ADGRB3: variants seen among roughly 807,000 people sequenced by gnomAD.
The protein encoded by ADGRB3 is brain-specific angiogenesis inhibitor 3.
In ADGRB3, 37 loss-of-function variants were observed where a neutral mutation model predicts 193.4. The ratio of observed to expected loss-of-function variants is 0.19; its 90% CI spans 0.15 to 0.25. The LOEUF is 0.25. Among genes scored for constraint, ADGRB3 ranks in the 10% least tolerant of loss-of-function variants. ADGRB3 has a pLI of 1.00. For missense variants in ADGRB3, 1,637 were observed against 1,852.9 expected, an observed-to-expected ratio of 0.88 and a Z score of 2.14; for synonymous variants, 690 against 644.2, an observed-to-expected ratio of 1.07 and a Z score of -1.08.
chr6:69,030,428 T>C (rs1292252649), intron 13 of ADGRB3, among the ~76,000 whole-genome samples: 1 of 152,168 alleles, frequency 6.6e-6, no homozygotes, highest in African/African-American at 2.4e-5. Context: ...TGGAATACTG[T>C]GCAGCCATAA....
intron 3 of ADGRB3, among the ~76,000 whole-genome samples, chr6:68,886,812 A>G (rs1282650136): frequency 1.3e-5 from 2 of 151,998 alleles, no homozygotes; most frequent in Non-Finnish European, 2.9e-5. Context: ...TTTTATGTCT[A>G]AAAATATAAT....
intron 3 of ADGRB3, among the ~76,000 whole-genome samples, chr6:68,747,686 T>C (rs1424478284): frequency 1.3e-5 from 2 of 152,182 alleles, no homozygotes; most frequent in South Asian, 2.1e-4. Context: ...AATGGAAGAA[T>C]CTTTGAATAG....
At position 69,198,244 on chromosome 6, in the gene ADGRB3, A is replaced by C. The variant is rs79820860; in HGVS notation, c.2481-35046A>C. Among the ~76,000 whole-genome samples, 1,250 of 152,212 alleles carry C rather than the reference A, an allele frequency of 8.2e-3. 15 individuals carry two copies. Among genetic ancestry groups the C allele is most frequent in the Middle Eastern group, 0.034 (10 of 294 alleles). ...TACTCATAATTGTGTCACAGAATCT[A>C]GAGTAGTGCCTAAGAAAAACTAGGC... On this transcript the variant is annotated intron_variant, in intron 17 of 31. Transcript: ENST00000370598.
intron 4 of ADGRB3, 126 bp downstream of exon 4, chr6:68,930,795 T>G: frequency 1.4e-6 from 1 of 702,656 alleles, no homozygotes; most frequent in Non-Finnish European, 2.3e-6. Context: ...CCATTTTTTT[T>G]GTCACCAGTT....
chr6:69,237,136 A>G (rs1766281476), intron 19 of ADGRB3, among the ~76,000 whole-genome samples: 3 of 152,012 alleles, frequency 2.0e-5, no homozygotes, highest in African/African-American at 7.2e-5. Flanking sequence ...CACAATTGTG[A>G]AGTATTATCC....
chr6:69,374,167 T>C (rs1049311053), intron 30 of ADGRB3, among the ~76,000 whole-genome samples: 1 of 152,074 alleles, frequency 6.6e-6, no homozygotes, highest in Non-Finnish European at 1.5e-5. Context: ...GGTGGGAACT[T>C]TGAGACATTA....
At chr6:68,784,798 TC>T (rs1766926631) in intron 3 of ADGRB3, among the ~76,000 whole-genome samples, 1 of 152,156 alleles carries the variant, frequency 6.6e-6, no homozygotes, top group Non-Finnish European at 1.5e-5. Flanking sequence ...TTATATCTCA[TC>T]TGTGTTAAAA....
chr6:68,942,016 C>CT (rs980183312), intron 5 of ADGRB3, among the ~76,000 whole-genome samples: 5 of 150,108 alleles, frequency 3.3e-5, no homozygotes, highest in Non-Finnish European at 5.9e-5. Context: ...TTGTCACCCT[C>CT]TTTTTTTTTC....
At chr6:68,713,250 A>G (rs1186497559) in intron 3 of ADGRB3, among the ~76,000 whole-genome samples, 1 of 151,962 alleles carries the variant, frequency 6.6e-6, no homozygotes, top group Non-Finnish European at 1.5e-5. Context: ...TTTTGTGAAC[A>G]AATTATTCAG....
chr6:68,865,574 C>T (rs1034118095), intron 3 of ADGRB3, among the ~76,000 whole-genome samples: 2 of 152,140 alleles, frequency 1.3e-5, no homozygotes, highest in Admixed American at 6.5e-5. Context: ...ATCTTCAGCC[C>T]TCATCATGGG....
chr6:68,970,660 G>T (rs1373215916), intron 8 of ADGRB3, among the ~76,000 whole-genome samples: 1 of 151,402 alleles, frequency 6.6e-6, no homozygotes, highest in Non-Finnish European at 1.5e-5. Context: ...CTAGCACCAT[G>T]TTACATTAAC....
At chr6:69,087,230 A>T (rs1051339726) in intron 17 of ADGRB3, among the ~76,000 whole-genome samples, 10 of 152,292 alleles carry the variant, frequency 6.6e-5, no homozygotes, top group Middle Eastern at 6.8e-3. Flanking sequence ...GGTAGTTGAG[A>T]TTTAAAAGAT....
At chr6:69,198,073 G>A (rs1295820320) in intron 17 of ADGRB3, among the ~76,000 whole-genome samples, 2 of 151,966 alleles carry the variant, frequency 1.3e-5, no homozygotes, top group African/African-American at 2.4e-5. Context: ...CACTTCTTGT[G>A]TTTTGAACCT....
At chr6:69,212,962 C>G (rs571439619) in intron 17 of ADGRB3, among the ~76,000 whole-genome samples, 5 of 152,204 alleles carry the variant, frequency 3.3e-5, no homozygotes, top group African/African-American at 1.2e-4. Flanking sequence ...TGCAAGGAAG[C>G]TGATGCATAG....
intron 3 of ADGRB3, among the ~76,000 whole-genome samples, chr6:68,818,123 G>A (rs999814422): frequency 5.3e-5 from 8 of 152,026 alleles, no homozygotes; most frequent in African/African-American, 1.9e-4. Flanking sequence ...TATATTAGCT[G>A]AGAAGCTCAA....
intron 31 of ADGRB3, 36 bp downstream of exon 31, chr6:69,382,971 T>A (rs1193985532): frequency 7.2e-7 from 1 of 1,388,818 alleles, no homozygotes; most frequent in East Asian, 2.4e-5. Context: ...GAGTAGAAGA[T>A]GCATCATGTC....
chr6:68,963,131 T>C (rs1393533873), intron 8 of ADGRB3, among the ~76,000 whole-genome samples: 1 of 152,140 alleles, frequency 6.6e-6, no homozygotes, highest in Non-Finnish European at 1.5e-5. Flanking sequence ...CACTTCCTCC[T>C]GCCACCAGCT....
intron 6 of ADGRB3, among the ~76,000 whole-genome samples, chr6:68,946,508 G>T: frequency 6.6e-6 from 1 of 152,134 alleles, no homozygotes; most frequent in Admixed American, 6.6e-5. Flanking sequence ...ATGGTAACTT[G>T]AGGATTCAGT....
At chr6:69,242,363 A>G (rs1766403036) in intron 20 of ADGRB3, among the ~76,000 whole-genome samples, 1 of 151,832 alleles carries the variant, frequency 6.6e-6, no homozygotes, top group East Asian at 1.9e-4. Context: ...ATAAGTTTTA[A>G]TTGATGCTTT....
Sources: gnomAD v4.1 joint callset for allele counts (sites outside exome capture counted in the v4.1 genomes callset) on GRCh38, gnomAD v4.1.1 for gene constraint, MANE v1.5 for transcripts, NCBI Gene and HGNC (gene_info 2026-07-23, HGNC 2026-07-21) for gene names.